GALNT13: variants seen among roughly 807,000 people sequenced by gnomAD.
The protein encoded by GALNT13 is polypeptide N-acetylgalactosaminyltransferase 13, also known as UDP-GalNAc:polypeptide N-acetylgalactosaminyltransferase 13.
GALNT13 carries 28 observed loss-of-function variants against 64.2 expected under a neutral mutation model. That is an observed-to-expected ratio of 0.44 (90% CI 0.32 to 0.60). GALNT13 has a LOEUF of 0.60. Ranked by LOEUF, GALNT13 falls within the 20% of genes least tolerant of loss-of-function variation. The pLI, the probability that GALNT13 is intolerant of heterozygous loss-of-function variation, is 0.05. For missense variants in GALNT13, 577 were observed against 669.8 expected (o/e 0.86, Z 1.53); for synonymous variants, 214 against 224.6 (o/e 0.95, Z 0.42).
At chr2:154,211,316 C>CAT (rs952102088) in intron 4 of GALNT13, among the ~76,000 whole-genome samples, 1 of 151,530 alleles carries the variant, frequency 6.6e-6, no homozygotes, top group Non-Finnish European at 1.5e-5. Flanking sequence ...TGTATCTAAA[C>CAT]ATATCTACAC....
At chr2:154,079,055 C>T (rs1701134376) in intron 3 of GALNT13, among the ~76,000 whole-genome samples, 1 of 151,520 alleles carries the variant, frequency 6.6e-6, no homozygotes. Flanking sequence ...GATTACAACT[C>T]ATAACTGTAG....
the GALNT13 span, among the ~76,000 whole-genome samples, chr2:153,593,848 G>T: frequency 6.6e-6 from 1 of 152,084 alleles, no homozygotes; most frequent in African/African-American, 2.4e-5. Flanking sequence ...AACTCTCTTA[G>T]GAGCTAGTGG....
At chr2:153,725,773 G>A in the GALNT13 span, among the ~76,000 whole-genome samples, 11 of 123,470 alleles carry the variant, frequency 8.9e-5, no homozygotes, top group African/African-American at 4.2e-4. Context: ...CATTCCTAAT[G>A]TGCAGCACAG....
chr2:153,459,771 G>C, the GALNT13 span, among the ~76,000 whole-genome samples: 3 of 152,200 alleles, frequency 2.0e-5, no homozygotes, highest in South Asian at 6.2e-4. Context: ...TAGAAGTTTT[G>C]CATATGTTTG....
intron 9 of GALNT13, among the ~76,000 whole-genome samples, chr2:154,386,840 T>C (rs1225079516): frequency 6.6e-6 from 1 of 152,120 alleles, no homozygotes; most frequent in East Asian, 1.9e-4. Context: ...GAGATCTTTA[T>C]TGTCACACTG....
At chr2:153,483,756 C>A in the GALNT13 span, among the ~76,000 whole-genome samples, 1 of 152,058 alleles carries the variant, frequency 6.6e-6, no homozygotes, top group Non-Finnish European at 1.5e-5. Context: ...ATGTATGAAC[C>A]TTGAAGACAT....
At chr2:153,946,317 C>T (rs564731391) in intron 3 of GALNT13, among the ~76,000 whole-genome samples, 1 of 152,194 alleles carries the variant, frequency 6.6e-6, no homozygotes, top group South Asian at 2.1e-4. Context: ...CCTTAATGCT[C>T]CTTAAGTCTT....
intron 3 of GALNT13, among the ~76,000 whole-genome samples, chr2:154,046,940 T>G (rs1194001765): frequency 3.2e-4 from 3 of 9,480 alleles, no homozygotes; most frequent in Non-Finnish European, 5.4e-4. Context: ...AGTCTGTGGG[T>G]TTTTTTTTTT....
chr2:153,176,772 A>T, the GALNT13 span, among the ~76,000 whole-genome samples: 17 of 22,758 alleles, frequency 7.5e-4, no homozygotes, highest in South Asian at 1.1e-3. Flanking sequence ...CCTGAGTTTA[A>T]AAAAAAAAAA....
intron 9 of GALNT13, among the ~76,000 whole-genome samples, chr2:154,301,858 A>T (rs555711954): frequency 6.6e-6 from 1 of 152,032 alleles, no homozygotes; most frequent in African/African-American, 2.4e-5. Flanking sequence ...AGAGAGATCT[A>T]TATTTATTAT....
chr2:154,449,903 T>C (rs1701797236), intron 12 of GALNT13, among the ~76,000 whole-genome samples: 1 of 152,048 alleles, frequency 6.6e-6, no homozygotes, highest in South Asian at 2.1e-4. Flanking sequence ...GCTCTGATAA[T>C]CACTTTCTAC....
chr2:153,636,519 G>A, the GALNT13 span, among the ~76,000 whole-genome samples: 2 of 152,112 alleles, frequency 1.3e-5, no homozygotes, highest in East Asian at 1.9e-4. Context: ...GTTACAAAAT[G>A]CTTTAAATTC....
the GALNT13 span, among the ~76,000 whole-genome samples, chr2:153,695,600 A>G: frequency 6.6e-6 from 1 of 152,222 alleles, no homozygotes; most frequent in Non-Finnish European, 1.5e-5. Flanking sequence ...ACTATACGTT[A>G]TGGCTTTATG....
upstream of GALNT13, among the ~76,000 whole-genome samples, chr2:153,870,866 G>A (rs1210653179): frequency 1.3e-5 from 2 of 151,872 alleles, no homozygotes; most frequent in East Asian, 3.9e-4. Context: ...ACTGTGAGAA[G>A]CAAGGACCCC....
chr2:153,567,925 C>T, the GALNT13 span, among the ~76,000 whole-genome samples: 1 of 152,182 alleles, frequency 6.6e-6, no homozygotes, highest in Non-Finnish European at 1.5e-5. Flanking sequence ...TGAGCACGTA[C>T]ATTAAGCTTA....
At chr2:153,751,537 T>A in the GALNT13 span, among the ~76,000 whole-genome samples, 1 of 151,874 alleles carries the variant, frequency 6.6e-6, no homozygotes. Context: ...GTATTAAAAA[T>A]TGTTATATAT....
intron 12 of GALNT13, among the ~76,000 whole-genome samples, chr2:154,443,806 C>T (rs979206422): frequency 2.0e-5 from 3 of 151,918 alleles, no homozygotes; most frequent in Non-Finnish European, 4.4e-5. Context: ...AGGCATGAAT[C>T]GTTAATATTT....
At chr2:153,272,727 A>G in the GALNT13 span, among the ~76,000 whole-genome samples, 2 of 152,194 alleles carry the variant, frequency 1.3e-5, no homozygotes, top group Non-Finnish European at 2.9e-5. Context: ...AAGGATCTAG[A>G]ACCAGAAATA....
At chr2:153,087,884 G>A in the GALNT13 span, among the ~76,000 whole-genome samples, 1 of 151,878 alleles carries the variant, frequency 6.6e-6, no homozygotes, top group Non-Finnish European at 1.5e-5. Context: ...CTCACTAATG[G>A]TCTATCAATG....
Sources: gnomAD v4.1 joint callset for allele counts (sites outside exome capture counted in the v4.1 genomes callset) on GRCh38, gnomAD v4.1.1 for gene constraint, MANE v1.5 for transcripts, NCBI Gene and HGNC (gene_info 2026-07-23, HGNC 2026-07-21) for gene names.